EMILIN2: variants seen among roughly 807,000 people sequenced by gnomAD.
EMILIN2 encodes EMILIN-2.
In EMILIN2, 71 loss-of-function variants were observed where a neutral mutation model predicts 87.1. The observed-to-expected ratio is 0.82, with a 90% confidence interval of 0.67 to 0.99. EMILIN2 has a LOEUF of 0.99. Ranked by LOEUF, EMILIN2 falls within the 50% of genes least tolerant of loss-of-function variation. EMILIN2 has a pLI of 0.00. For synonymous variants in EMILIN2, 581 were observed against 563.4 expected, an observed-to-expected ratio of 1.03 and a Z score of -0.44; for missense variants, 1,407 against 1,371.8, an observed-to-expected ratio of 1.03 and a Z score of -0.40.
At chr18:2,877,648 T>C (rs570322044) in intron 2 of EMILIN2, among the ~76,000 whole-genome samples, 1 of 151,794 alleles carries the variant, frequency 6.6e-6, no homozygotes, top group South Asian at 2.1e-4. Context: ...CGTGGTGGCC[T>C]GCACCTGTAA....
At position 2,886,519 on chromosome 18, in the gene EMILIN2, C is replaced by T. The variant is rs1221357981; in HGVS notation, c.433+1380C>T. Among the ~76,000 whole-genome samples the T allele has an allele frequency of 1.3e-5, 2 of 152,106 alleles. 1 individual carries two copies. The highest frequency in any genetic ancestry group is 2.9e-5 in the Non-Finnish European group (2 of 68,000). On this transcript the variant is annotated intron_variant, in intron 3 of 7. Coordinates refer to ENST00000254528, the MANE Select transcript of EMILIN2 (RefSeq NM_032048.3). ...AATCTTTTGGAATTTACCTCCATATCTATTGGTTTTTCATTATGGAAGGTG... is the reference window on the plus strand; with the variant it reads ...AATCTTTTGGAATTTACCTCCATATTTATTGGTTTTTCATTATGGAAGGTG...
intron 2 of EMILIN2, among the ~76,000 whole-genome samples, chr18:2,867,385 G>C (rs2076691802): frequency 6.6e-6 from 1 of 151,816 alleles, no homozygotes; most frequent in Non-Finnish European, 1.5e-5. Context: ...TCATTCTTGG[G>C]TGTTTCTCGC....
intron 4 of EMILIN2, among the ~76,000 whole-genome samples, chr18:2,904,317 CTTTCAT>C (rs2076900312): frequency 6.6e-6 from 1 of 152,160 alleles, no homozygotes; most frequent in East Asian, 1.9e-4. Context: ...GTGCTGGCAT[CTTTCAT>C]TTTCTTCAGT....
At chr18:2,903,514 T>G (rs2076897254) in intron 4 of EMILIN2, among the ~76,000 whole-genome samples, 1 of 152,164 alleles carries the variant, frequency 6.6e-6, no homozygotes, top group African/African-American at 2.4e-5. Context: ...CTAAATTGAT[T>G]TATCAGCTTT....
In EMILIN2 at chr18:2,890,766, A is replaced by AT; in HGVS notation, c.639_640insT (p.His214SerfsTer6). 3 of 1,613,902 alleles carry AT rather than the reference A, an allele frequency of 1.9e-6. No homozygotes were observed. Among genetic ancestry groups the AT allele is most frequent in the Non-Finnish European group, 2.5e-6 (3 of 1,179,898 alleles). On this transcript the variant is annotated frameshift_variant, in exon 4 of 8. Coordinates refer to ENST00000254528, the MANE Select transcript of EMILIN2 (RefSeq NM_032048.3). LOFTEE classifies it high-confidence loss of function. The surrounding 1 kb of genome is among the most constrained non-coding windows in gnomAD (Gnocchi z 4.7). ...TTGCTGGAGTGAGTGAAAATCTCAAACATGCCACTCAGGATGATGCCAGTA... is the reference window on the plus strand; with the variant it reads ...TTGCTGGAGTGAGTGAAAATCTCAAATCATGCCACTCAGGATGATGCCAGTA...
intron 2 of EMILIN2, among the ~76,000 whole-genome samples, chr18:2,859,200 C>G (rs953923495): frequency 2.6e-5 from 4 of 152,060 alleles, no homozygotes; most frequent in African/African-American, 9.7e-5. Flanking sequence ...TAGAAGTGTT[C>G]CCTTTTCACC....
At chr18:2,908,467 C>G (rs570026310) in intron 5 of EMILIN2, among the ~76,000 whole-genome samples, 70 of 152,306 alleles carry the variant, frequency 4.6e-4, no homozygotes, top group South Asian at 4.1e-3. Context: ...ACACATCAAG[C>G]CGTGCACTCT....
At chr18:2,857,241 T>C (rs1161413113) in intron 2 of EMILIN2, among the ~76,000 whole-genome samples, 1 of 152,084 alleles carries the variant, frequency 6.6e-6, no homozygotes, top group Non-Finnish European at 1.5e-5. Flanking sequence ...GTGGATCATT[T>C]CAATGGAAGA....
intron 2 of EMILIN2, among the ~76,000 whole-genome samples, chr18:2,862,899 G>T (rs987251432): frequency 2.0e-5 from 3 of 152,054 alleles, no homozygotes; most frequent in East Asian, 1.9e-4. Flanking sequence ...CAATTTCAGA[G>T]CCTGTTATTG....
intron 4 of EMILIN2, among the ~76,000 whole-genome samples, chr18:2,905,986 G>T (rs1351272382): frequency 6.6e-6 from 1 of 152,022 alleles, no homozygotes; most frequent in Non-Finnish European, 1.5e-5. Flanking sequence ...GATTTTTGTC[G>T]GGTCCTAAAC....
intron 2 of EMILIN2, among the ~76,000 whole-genome samples, chr18:2,876,632 G>A (rs1419502112): frequency 1.6e-5 from 2 of 124,768 alleles, no homozygotes; most frequent in African/African-American, 2.9e-5. Flanking sequence ...CGGGTGTGGT[G>A]GCGGGCGCCT....
Position 2,891,018 on chromosome 18 carries a change from C to G in EMILIN2, c.891C>G (p.Leu297=), listed in dbSNP as rs2076833416. The change falls in exon 4 of 8, where the codon CTC becomes CTG. Residue 297 remains leucine (L), a synonymous_variant. Coordinates refer to ENST00000254528, the MANE Select transcript of EMILIN2 (RefSeq NM_032048.3). The surrounding 1 kb of genome is among the most constrained non-coding windows in gnomAD (Gnocchi z 4.6). ...GCTACGAAGGGCAGCTCAGACAGCT[C>G]CAGGAAGCAGCTCAGGGCCCGACGG... ...VKGYEGQLRQ[L]QEAAQGPTVT... is the part of the protein sequence containing the mutation. 6.2e-7 allele frequency: 1 copy of G among 1,614,188 alleles called. No homozygotes were observed.
At chr18:2,878,446 C>A (rs1038143492) in intron 2 of EMILIN2, among the ~76,000 whole-genome samples, 1 of 151,480 alleles carries the variant, frequency 6.6e-6, no homozygotes, top group Non-Finnish European at 1.5e-5. Context: ...GCCGAGATCA[C>A]GCCACTGCAC....
At chr18:2,856,934 A>C (rs113829378) in intron 2 of EMILIN2, among the ~76,000 whole-genome samples, 3,925 of 152,308 alleles carry the variant, frequency 0.026, 142 homozygotes, top group African/African-American at 0.088. Context: ...TAAACATGCC[A>C]GTAAGTTTTC....
chr18:2,897,692 C>T (rs935181098), intron 4 of EMILIN2, among the ~76,000 whole-genome samples: 1 of 152,100 alleles, frequency 6.6e-6, no homozygotes, highest in African/African-American at 2.4e-5. Context: ...ACAGTGAGAT[C>T]CTGTCTGTAC....
In EMILIN2 at chr18:2,847,022, A is replaced by G; in HGVS notation, c.-167A>G. The G allele has an allele frequency of 9.5e-7, 1 of 1,050,396 alleles. No homozygotes were observed. The allele number at this position is 1,050,396 out of a possible 1,614,324, so 65.1% of individuals were successfully genotyped here. Reference sequence around the variant, plus strand: ...CGGGGCTGCAGAAGGAGAAGTAGGAACGAGAAGCCGGAGGGGGCGGCCGCG... The same window carrying G: ...CGGGGCTGCAGAAGGAGAAGTAGGAGCGAGAAGCCGGAGGGGGCGGCCGCG... On this transcript the variant is annotated 5_prime_UTR_variant, in exon 1 of 8. Transcript: ENST00000254528. This position sits in a 1 kb window ranked among gnomAD's most constrained non-coding sequence, Gnocchi z 4.5.
At position 2,906,937 on chromosome 18, in the gene EMILIN2, G is replaced by A; in HGVS notation, c.2514G>A (p.Pro838=). 1 of 1,398,574 alleles carries A rather than the reference G, an allele frequency of 7.2e-7. No individual in the cohort carries two copies. Among genetic ancestry groups the A allele is most frequent in the Non-Finnish European group, 9.3e-7 (1 of 1,073,896 alleles). The allele number at this position is 1,398,574 out of a possible 1,614,324, so 86.6% of individuals were successfully genotyped here. A position where few individuals can be genotyped will look rare whatever the true frequency, so the allele number is the denominator to read the frequency against. ...QRPPEERPPQ[P]PGSTGVIAET... is the part of the protein sequence containing the mutation. ...CCCCCGAGGAGAGGCCGCCCCAGCCGCCAGGCTCCACCGGGGTCATCGCGG... is the reference window on the plus strand; with the variant it reads ...CCCCCGAGGAGAGGCCGCCCCAGCCACCAGGCTCCACCGGGGTCATCGCGG... The change falls in exon 5 of 8, where the codon CCG becomes CCA. Residue 838 remains proline (P), a synonymous_variant. Coordinates refer to ENST00000254528, the MANE Select transcript of EMILIN2 (RefSeq NM_032048.3).
At position 2,848,355 on chromosome 18, in the gene EMILIN2, G is replaced by C. The variant is rs1445877452; in HGVS notation, c.257+424G>C. Among the ~76,000 whole-genome samples the C allele has an allele frequency of 6.6e-6, 1 of 152,146 alleles. No individual in the cohort carries two copies. The highest frequency in any genetic ancestry group is 1.9e-4 in the East Asian group (1 of 5,202). On this transcript the variant is annotated intron_variant, in intron 2 of 7. Transcript: ENST00000254528. This position sits in a 1 kb window ranked among gnomAD's most constrained non-coding sequence, Gnocchi z 4.1. ...CGTATAGGATTCGCTGAGAGGTTTG[G>C]CTAAGTAGTGTTCTAAAACGAGTGA...
chr18:2,858,627 G>T (rs1352326686), intron 2 of EMILIN2, among the ~76,000 whole-genome samples: 3 of 124,106 alleles, frequency 2.4e-5, no homozygotes. Context: ...ATGTTCCACA[G>T]TTTCTTTTTT....
Sources: gnomAD v4.1 joint callset for allele counts (sites outside exome capture counted in the v4.1 genomes callset) on GRCh38, gnomAD v4.1.1 for gene constraint, Gnocchi (gnomAD v3.1) non-coding constraint, MANE v1.5 for transcripts, NCBI Gene and HGNC (gene_info 2026-07-23, HGNC 2026-07-21) for gene names.